The following TMEM135 variants were observed in gnomAD, a reference collection of about 807,000 sequenced individuals.
TMEM135 encodes peroxisomal membrane protein 52.
A neutral mutation model predicts 60.3 loss-of-function variants in TMEM135; 30 were observed. The observed-to-expected ratio is 0.50, with a 90% confidence interval of 0.37 to 0.68. The LOEUF is 0.68. TMEM135 is among the 30% of genes least tolerant of loss of function. TMEM135 has a pLI of 0.00. For synonymous variants in TMEM135, 190 were observed against 186.7 expected, an observed-to-expected ratio of 1.02 and a Z score of -0.14; for missense variants, 468 against 548.8, an observed-to-expected ratio of 0.85 and a Z score of 1.47.
At chr11:87,203,997 T>C (rs1361713554) in intron 5 of TMEM135, among the ~76,000 whole-genome samples, 2 of 152,186 alleles carry the variant, frequency 1.3e-5, no homozygotes, top group African/African-American at 4.8e-5. Context: ...CAGTTTTTAC[T>C]AGGTTCTTGT....
At chr11:87,191,398 G>A (rs147547364) in intron 5 of TMEM135, among the ~76,000 whole-genome samples, 4,616 of 152,074 alleles carry the variant, frequency 0.03, 214 homozygotes, top group African/African-American at 0.1. Context: ...CCGCCACCAC[G>A]CCCGGCTAAT....
chr11:87,249,099 T>C (rs1327944142), intron 6 of TMEM135, among the ~76,000 whole-genome samples: 1 of 152,192 alleles, frequency 6.6e-6, no homozygotes, highest in Non-Finnish European at 1.5e-5. Flanking sequence ...TCTTGTCTGA[T>C]TGCTCTAGCT....
chr11:87,268,907 G>A (rs1941806430), intron 6 of TMEM135, among the ~76,000 whole-genome samples: 1 of 152,090 alleles, frequency 6.6e-6, no homozygotes, highest in African/African-American at 2.4e-5. Flanking sequence ...TTCTGCTTAA[G>A]ATGCCTATCC....
chr11:87,041,859 G>T (rs1949752797), intron 1 of TMEM135, among the ~76,000 whole-genome samples: 1 of 152,208 alleles, frequency 6.6e-6, no homozygotes, highest in Non-Finnish European at 1.5e-5. Flanking sequence ...GAATGAACAG[G>T]ACTTAGAGAC....
intron 5 of TMEM135, among the ~76,000 whole-genome samples, chr11:87,209,723 C>T (rs1243595206): frequency 6.6e-6 from 1 of 151,938 alleles, no homozygotes; most frequent in Admixed American, 6.6e-5. Flanking sequence ...AGAACAACAT[C>T]CAAGAACAAC....
At chr11:87,235,428 A>T (rs482288) in intron 5 of TMEM135, among the ~76,000 whole-genome samples, 30 of 151,786 alleles carry the variant, frequency 2.0e-4, no homozygotes, top group African/African-American at 6.8e-4. Context: ...ATATTTATAT[A>T]TTTCTAAGTC....
Position 87,038,182 on chromosome 11 carries a change from A to G in TMEM135, c.137A>G (p.Tyr46Cys). 6.2e-7 allele frequency: 1 copy of G among 1,613,680 alleles called. No individual in the cohort carries two copies. Among genetic ancestry groups the G allele is most frequent in the Non-Finnish European group, 8.5e-7 (1 of 1,179,844 alleles). The change falls in exon 1 of 15, where the codon TAC (tyrosine) becomes TGC (cysteine). Residue 46 changes from tyrosine to cysteine, a missense_variant. Transcript: ENST00000305494. ...TCCCTGAAGATCTATGCTCCTCTGTACTTGGTGAGACCCGTCACCCGTCCC... is the reference window on the plus strand; with the variant it reads ...TCCCTGAAGATCTATGCTCCTCTGTGCTTGGTGAGACCCGTCACCCGTCCC... ...EESLKIYAPLYLIAAILRKRK... is the reference protein window; with the variant it reads ...EESLKIYAPLCLIAAILRKRK...
chr11:87,134,153 G>A (rs562887872), intron 4 of TMEM135, among the ~76,000 whole-genome samples: 12 of 152,228 alleles, frequency 7.9e-5, no homozygotes, highest in African/African-American at 2.2e-4. Flanking sequence ...GGATCAAGGC[G>A]TTGGCAAGGT....
intron 4 of TMEM135, among the ~76,000 whole-genome samples, chr11:87,124,467 C>T (rs543458149): frequency 1.4e-4 from 21 of 152,120 alleles, no homozygotes; most frequent in African/African-American, 4.3e-4. Context: ...GGTGGGAGGC[C>T]GCAGGGGAAG....
chr11:87,271,977 CT>C lies in TMEM135; in HGVS notation c.510-23801del, dbSNP rs1338114606. ...AATTAATTTTATATATTTCTTTTTACTTTTAAAAATATGGCTACTAGAAAAT... is the reference window on the plus strand; with the variant it reads ...AATTAATTTTATATATTTCTTTTTACTTTAAAAATATGGCTACTAGAAAAT... On this transcript the variant is annotated intron_variant, in intron 6 of 14. Transcript: ENST00000305494. Among the ~76,000 whole-genome samples the C allele has an allele frequency of 1.9e-3, 288 of 150,828 alleles. 2 individuals carry two copies. Among genetic ancestry groups the C allele is most frequent in the Non-Finnish European group, 3.0e-3 (205 of 67,684 alleles).
intron 12 of TMEM135, among the ~76,000 whole-genome samples, 177 bp downstream of exon 12, chr11:87,314,724 T>C (rs1942697468): frequency 1.3e-5 from 2 of 151,870 alleles, no homozygotes; most frequent in Admixed American, 1.3e-4. Context: ...CAAATATACA[T>C]TAAGTATAGA....
chr11:87,085,715 C>A (rs574894928), intron 3 of TMEM135, among the ~76,000 whole-genome samples: 1 of 152,232 alleles, frequency 6.6e-6, no homozygotes, highest in East Asian at 1.9e-4. Context: ...CAAGATTGAA[C>A]CGCTGCACTC....
At chr11:87,296,782 C>T (rs964875154) in intron 7 of TMEM135, among the ~76,000 whole-genome samples, 1 of 151,690 alleles carries the variant, frequency 6.6e-6, no homozygotes, top group Non-Finnish European at 1.5e-5. Context: ...GGATAGCTTT[C>T]GATAACTACA....
chr11:87,227,685 A>T (rs539934867), intron 5 of TMEM135, among the ~76,000 whole-genome samples: 2 of 152,290 alleles, frequency 1.3e-5, no homozygotes, highest in East Asian at 3.9e-4. Context: ...AAGACAAGTA[A>T]ATATTATGAT....
At chr11:87,267,077 AG>A in intron 6 of TMEM135, among the ~76,000 whole-genome samples, 1 of 152,290 alleles carries the variant, frequency 6.6e-6, no homozygotes, top group Non-Finnish European at 1.5e-5. Context: ...GTGAGAAGAA[AG>A]TATTGGAAAT....
chr11:87,212,812 G>T lies in TMEM135; in HGVS notation c.463-23826G>T, dbSNP rs1401980568. Among the ~76,000 whole-genome samples the T allele has an allele frequency of 4.4e-5, 6 of 136,200 alleles. No individual in the cohort carries two copies. The East Asian group carries it at 1.3e-3, about 29-fold the overall frequency. The allele number at this position is 136,200 out of a possible 152,430, so 89.4% of individuals were successfully genotyped here. A position where few individuals can be genotyped will look rare whatever the true frequency, so the allele number is the denominator to read the frequency against. On this transcript the variant is annotated intron_variant, in intron 5 of 14. Transcript: ENST00000305494. ...CACTGCAACATGGGTGACAGAGTGA[G>T]ACCTGATTTTGGAAAAAAAAAAAAA... is the stretch of plus-strand genomic sequence containing the variant.
intron 5 of TMEM135, among the ~76,000 whole-genome samples, chr11:87,182,418 TA>T: frequency 6.6e-6 from 1 of 152,126 alleles, no homozygotes; most frequent in Non-Finnish European, 1.5e-5. Flanking sequence ...CTAGTTAGGA[TA>T]AAATGATTTA....
chr11:87,096,467 T>G (rs1254322467), intron 4 of TMEM135: 2 of 152,240 alleles, frequency 1.3e-5, no homozygotes, highest in Non-Finnish European at 2.9e-5. Flanking sequence ...TAATATCATT[T>G]TATACAGAGA....
chr11:87,179,125 A>G (rs1156523053), intron 5 of TMEM135, among the ~76,000 whole-genome samples: 1 of 152,042 alleles, frequency 6.6e-6, no homozygotes, highest in Non-Finnish European at 1.5e-5. Context: ...ATGACTAGTG[A>G]TGTTGGACTT....
Sources: allele counts gnomAD v4.1 joint callset (sites outside exome capture counted in the v4.1 genomes callset), GRCh38; gene constraint gnomAD v4.1.1; transcripts MANE v1.5; gene names NCBI Gene and HGNC (gene_info 2026-07-23, HGNC 2026-07-21).